Variants in MAGI1 observed in about 807,000 individuals in gnomAD.
MAGI1 encodes membrane-associated guanylate kinase, WW and PDZ domain-containing protein 1.
Under a neutral mutation model 139.9 loss-of-function variants are expected in MAGI1, and 58 were observed. That is an observed-to-expected ratio of 0.41 (90% CI 0.34 to 0.52). The LOEUF (loss-of-function observed/expected upper bound fraction) is 0.52. Ranked by LOEUF, MAGI1 falls within the 20% of genes least tolerant of loss-of-function variation. MAGI1 has a pLI of 0.12. For missense variants in MAGI1, 1,874 were observed against 1,901.6 expected, an observed-to-expected ratio of 0.99 and a Z score of 0.27; for synonymous variants, 812 against 737.9, an observed-to-expected ratio of 1.10 and a Z score of -1.63.
chr3:65,365,251 C>T (rs1409422998), intron 18 of MAGI1: 2 of 552,192 alleles, frequency 3.6e-6, no homozygotes, highest in Non-Finnish European at 7.0e-6. Context: ...TCACTCCTCC[C>T]CTGCCACTGA....
chr3:65,640,395 A>G (rs1446077660), intron 1 of MAGI1, among the ~76,000 whole-genome samples: 1 of 152,142 alleles, frequency 6.6e-6, no homozygotes, highest in African/African-American at 2.4e-5. Flanking sequence ...GTTGGATTCG[A>G]CAACCCCAGA....
chr3:65,541,550 C>T (rs750711799), intron 2 of MAGI1, among the ~76,000 whole-genome samples: 44 of 152,284 alleles, frequency 2.9e-4, no homozygotes, highest in Middle Eastern at 6.8e-3. Context: ...AATCCAGCAG[C>T]ACATCAAAAA....
intron 1 of MAGI1, among the ~76,000 whole-genome samples, chr3:65,990,766 T>C (rs952224214): frequency 2.0e-5 from 3 of 152,190 alleles, no homozygotes; most frequent in African/African-American, 4.8e-5. Flanking sequence ...TAAATAATGG[T>C]AAATCATATT....
intron 12 of MAGI1, among the ~76,000 whole-genome samples, chr3:65,402,566 CAA>C (rs1559526113): frequency 6.6e-6 from 1 of 152,156 alleles, no homozygotes; most frequent in African/African-American, 2.4e-5. Flanking sequence ...ATAAAGCACA[CAA>C]GAGATGCTTG....
intron 1 of MAGI1, among the ~76,000 whole-genome samples, chr3:65,926,341 CT>C (rs2062510150): frequency 2.7e-5 from 4 of 149,454 alleles, no homozygotes; most frequent in Non-Finnish European, 5.9e-5. Flanking sequence ...CTCTCTCTCT[CT>C]CTCTCTCTCT....
intron 1 of MAGI1, among the ~76,000 whole-genome samples, chr3:65,983,885 G>T (rs1195697177): frequency 6.6e-6 from 1 of 152,182 alleles, no homozygotes; most frequent in East Asian, 1.9e-4. Flanking sequence ...TTATAAGTTG[G>T]TGGGAGGTTT....
intron 1 of MAGI1, among the ~76,000 whole-genome samples, chr3:65,829,440 A>G (rs546843763): frequency 2.0e-4 from 30 of 152,254 alleles, no homozygotes; most frequent in Middle Eastern, 6.8e-3. Flanking sequence ...GTGCTCTTCT[A>G]AAGAGGCTCA....
rs1332537827 is a variant in MAGI1 at position 65,615,639 on chromosome 3, C to CCTTCCCG, written c.430+6326_430+6332dup. 2.0e-5 allele frequency among the ~76,000 whole-genome samples: 3 copies of CCTTCCCG among 152,274 alleles called. 1 individual carries two copies. The highest frequency in any genetic ancestry group is 2.0e-4 in the Admixed American group (3 of 15,284). ...AATAAAACTCCAGAATAACAAAGAA[C>CCTTCCCG]CTTCCCGCTTCCCTCACCACCTTCC... On this transcript the variant is annotated intron_variant, in intron 2 of 22. Coordinates refer to ENST00000402939, the MANE Select transcript of MAGI1 (RefSeq NM_001033057.2).
intron 1 of MAGI1, among the ~76,000 whole-genome samples, chr3:65,821,083 C>G (rs1221335060): frequency 6.6e-6 from 1 of 151,962 alleles, no homozygotes; most frequent in Admixed American, 6.5e-5. Context: ...CTAGGAGGCT[C>G]TTGGGGGAAG....
At chr3:65,826,860 CT>C (rs2042256403) in intron 1 of MAGI1, among the ~76,000 whole-genome samples, 2 of 152,118 alleles carry the variant, frequency 1.3e-5, no homozygotes, top group South Asian at 4.1e-4. Context: ...AATAACATTA[CT>C]GAGAGGAATA....
intron 9 of MAGI1, 59 bp downstream of exon 9, chr3:65,439,820 G>T: frequency 6.2e-7 from 1 of 1,601,270 alleles, no homozygotes; most frequent in South Asian, 1.1e-5. Context: ...GGGTGTCAGC[G>T]CTCAGATTTC....
chr3:65,833,229 C>G (rs956097126), intron 1 of MAGI1, among the ~76,000 whole-genome samples: 1 of 152,032 alleles, frequency 6.6e-6, no homozygotes, highest in Non-Finnish European at 1.5e-5. Flanking sequence ...AGAGATTCTC[C>G]TACCTAAACC....
chr3:65,436,048 A>G (rs765274428), intron 10 of MAGI1, among the ~76,000 whole-genome samples: 2 of 152,156 alleles, frequency 1.3e-5, no homozygotes, highest in Non-Finnish European at 2.9e-5. Context: ...TATCTACTAT[A>G]TCCCATCTTT....
intron 1 of MAGI1, among the ~76,000 whole-genome samples, chr3:65,951,061 T>TGGGAGGGAAAGAAAAGAAAAGA (rs1236685787): frequency 2.3e-5 from 3 of 130,520 alleles, no homozygotes; most frequent in Non-Finnish European, 4.9e-5. Flanking sequence ...GGGAGGAAGG[T>TGGGAGGGAAAGAAAAGAAAAGA]GGGAGGGAAA....
intron 21 of MAGI1, among the ~76,000 whole-genome samples, chr3:65,361,819 T>C (rs973288771): frequency 5.3e-5 from 8 of 152,214 alleles, no homozygotes; most frequent in African/African-American, 1.2e-4. Context: ...TTATGAGCTA[T>C]CCTCTGGAGT....
chr3:65,500,345 T>C (rs1009072184), intron 2 of MAGI1, among the ~76,000 whole-genome samples: 8 of 152,222 alleles, frequency 5.3e-5, no homozygotes, highest in Admixed American at 3.3e-4. Flanking sequence ...TAATTTGAGC[T>C]GTGTCCTAGT....
At chr3:66,017,295 T>C (rs1045270627) in intron 1 of MAGI1, among the ~76,000 whole-genome samples, 5 of 152,190 alleles carry the variant, frequency 3.3e-5, no homozygotes, top group South Asian at 4.1e-4. Context: ...CGGCTGCAGA[T>C]GGAAAAACCG....
intron 2 of MAGI1, among the ~76,000 whole-genome samples, chr3:65,542,967 C>T (rs1203352721): frequency 1.3e-5 from 2 of 152,026 alleles, no homozygotes; most frequent in South Asian, 2.1e-4. Context: ...AACAGGCACC[C>T]TACAGAATGG....
At chr3:65,700,031 CCCT>C (rs1454584256) in intron 1 of MAGI1, among the ~76,000 whole-genome samples, 1 of 152,030 alleles carries the variant, frequency 6.6e-6, no homozygotes, top group Non-Finnish European at 1.5e-5. Context: ...AAAACTACTC[CCCT>C]AAAGAAAAAT....
Sources: gnomAD v4.1 joint callset for allele counts (sites outside exome capture counted in the v4.1 genomes callset) on GRCh38, gnomAD v4.1.1 for gene constraint, MANE v1.5 for transcripts, NCBI Gene and HGNC (gene_info 2026-07-23, HGNC 2026-07-21) for gene names.